The following SLC5A10 variants were observed in gnomAD, a reference collection of about 807,000 sequenced individuals.
The protein encoded by SLC5A10 is solute carrier family 5 member 10.
Under a neutral mutation model 68.9 loss-of-function variants are expected in SLC5A10, and 55 were observed. The ratio of observed to expected loss-of-function variants is 0.80; its 90% CI spans 0.64 to 1.00. SLC5A10 has a LOEUF of 1.00. Among genes scored for constraint, SLC5A10 ranks in the 50% least tolerant of loss-of-function variants. The pLI, the probability that SLC5A10 is intolerant of heterozygous loss-of-function variation, is 0.00. For missense variants in SLC5A10, 732 were observed against 819.3 expected, an observed-to-expected ratio of 0.89 and a Z score of 1.30; for synonymous variants, 344 against 344.8, an observed-to-expected ratio of 1.00 and a Z score of 0.02.
chr17:19,015,906 T>G (rs1382480344), intron 11 of SLC5A10, among the ~76,000 whole-genome samples: 2 of 152,212 alleles, frequency 1.3e-5, no homozygotes, highest in Non-Finnish European at 2.9e-5. Context: ...GGTGTTTGGT[T>G]ACATGAATAA....
intron 5 of SLC5A10, among the ~76,000 whole-genome samples, chr17:18,965,214 G>A (rs990373008): frequency 5.3e-5 from 8 of 152,138 alleles, no homozygotes; most frequent in Non-Finnish European, 1.0e-4. Context: ...GTTTTGGGGA[G>A]TGGGTGTGTG....
At chr17:18,957,685 C>G (rs1259811110) in intron 1 of SLC5A10, among the ~76,000 whole-genome samples, 1 of 152,106 alleles carries the variant, frequency 6.6e-6, no homozygotes, top group Non-Finnish European at 1.5e-5. Context: ...AGGATGGACT[C>G]GTTCTCTTGA....
At position 18,992,049 on chromosome 17, in the gene SLC5A10, T is replaced by C. The variant is rs564330352; in HGVS notation, c.982+15060T>C. On this transcript the variant is annotated intron_variant, in intron 9 of 14. Transcript: ENST00000395645. Reference sequence around the variant, plus strand: ...TCCTCCAGTGAGCCAACAGCGAGCCTGCGCCTGCCCCAGCCCAGGCCTCTC... The same window carrying C: ...TCCTCCAGTGAGCCAACAGCGAGCCCGCGCCTGCCCCAGCCCAGGCCTCTC... 7.2e-5 allele frequency among the ~76,000 whole-genome samples: 11 copies of C among 152,228 alleles called. No homozygotes were observed. The South Asian group carries it at 2.3e-3, about 32-fold the overall frequency.
chr17:18,960,414 G>A lies in SLC5A10; in HGVS notation c.349-134G>A. 4 of 791,560 alleles carry A rather than the reference G, an allele frequency of 5.1e-6. No individual in the cohort carries two copies. In the East Asian group the frequency reaches 9.9e-5, roughly 20 times the overall value. The allele number at this position is 791,560 out of a possible 1,614,324, so 49.0% of individuals were successfully genotyped here. On this transcript the variant is annotated intron_variant, in intron 4 of 14. Transcript: ENST00000395645. ...GGTGCTGGGGCTGTAAGGGGTCAGT[G>A]CCTGGGCCTTGCCCTTGAGAGGCTC...
At chr17:19,020,041 C>T (rs898100200) in intron 13 of SLC5A10, 113 bp downstream of exon 13, 194 of 1,435,116 alleles carry the variant, frequency 1.4e-4, no homozygotes, top group African/African-American at 1.8e-4. Flanking sequence ...TACCTAGCCC[C>T]GTCCCTTTTT....
chr17:18,957,322 A>G (rs949544839), intron 1 of SLC5A10, among the ~76,000 whole-genome samples: 1 of 152,174 alleles, frequency 6.6e-6, no homozygotes, highest in Non-Finnish European at 1.5e-5. Flanking sequence ...TTCCACTTAC[A>G]TGGAGGACAA....
intron 9 of SLC5A10, chr17:18,978,840 A>G (rs762265324): frequency 5.0e-6 from 8 of 1,611,644 alleles, no homozygotes; most frequent in Non-Finnish European, 6.8e-6. Flanking sequence ...CGCGCGGCCG[A>G]CCACGTGAAG....
chr17:18,959,621 G>T lies in SLC5A10; in HGVS notation c.306G>T (p.Leu102=). Residue 102 remains leucine (L), a synonymous_variant, in exon 4 of 15, where the codon CTG becomes CTT. Coordinates refer to ENST00000395645, the MANE Select transcript of SLC5A10 (RefSeq NM_001042450.4). ...GFEWNATYVL[L]ALAWVFVPIY... ...CCCCATAGGCCACGTACGTGCTGCT[G>T]GCACTGGCATGGGTGTTCGTGCCCA... 1 of 1,613,974 alleles carries T rather than the reference G, an allele frequency of 6.2e-7. No homozygotes were observed. Among genetic ancestry groups the T allele is most frequent in the Non-Finnish European group, 8.5e-7 (1 of 1,179,998 alleles).
chr17:18,959,508 G>C (rs1162812252), intron 3 of SLC5A10, 96 bp from the exon 4 acceptor site: 5 of 1,351,244 alleles, frequency 3.7e-6, no homozygotes, highest in Non-Finnish European at 5.2e-6. Flanking sequence ...GGGAAGCCAG[G>C]CCTCCGGATG....
At chr17:18,969,191 G>T (rs548887367) in intron 6 of SLC5A10, 34 bp downstream of exon 6, 1 of 1,608,466 alleles carries the variant, frequency 6.2e-7, no homozygotes, top group Non-Finnish European at 8.5e-7. Flanking sequence ...TCCACCCAGG[G>T]GACGTGTAAA....
At chr17:18,961,952 C>T (rs900301532) in intron 5 of SLC5A10, among the ~76,000 whole-genome samples, 5 of 152,190 alleles carry the variant, frequency 3.3e-5, no homozygotes, top group Admixed American at 1.3e-4. Flanking sequence ...CGCCAGATGC[C>T]CTTGGCGTAC....
chr17:18,992,283 G>A (rs899360978), intron 9 of SLC5A10, among the ~76,000 whole-genome samples: 2 of 152,150 alleles, frequency 1.3e-5, no homozygotes, highest in East Asian at 1.9e-4. Context: ...GGGGACATCC[G>A]CCTCCATGTG....
intron 8 of SLC5A10, among the ~76,000 whole-genome samples, chr17:18,972,867 TAAAA>T (rs35947526): frequency 1.5e-5 from 2 of 137,808 alleles, no homozygotes; most frequent in Non-Finnish European, 1.6e-5. Context: ...AGACTCCGTC[TAAAA>T]AAAAAAAAAA....
At position 18,971,036 on chromosome 17, in the gene SLC5A10, G is replaced by A. The variant is rs768370920; in HGVS notation, c.664G>A (p.Gly222Arg). 13 of 1,613,886 alleles carry A rather than the reference G, an allele frequency of 8.1e-6. No individual in the cohort carries two copies. The highest frequency in any genetic ancestry group is 6.7e-5 in the Admixed American group (4 of 60,018). ...AGCTTTTGACCAGATCGGTGGTTAC[G>A]GGCAGCTGGAGGCAGCCTACGCCCA... ...IKAFDQIGGY[G>R]QLEAAYAQAI... The change falls in exon 8 of 15, where the codon GGG becomes AGG. Residue 222 changes from glycine to arginine, a missense_variant. By Grantham distance (125) the Gly-to-Arg change is moderately radical. Coordinates refer to ENST00000395645, the MANE Select transcript of SLC5A10 (RefSeq NM_001042450.4). The surrounding 1 kb of genome is among the most constrained non-coding windows in gnomAD (Gnocchi z 5.5).
intron 3 of SLC5A10, 126 bp downstream of exon 3, chr17:18,959,365 T>A: frequency 9.7e-7 from 1 of 1,027,654 alleles, no homozygotes; most frequent in African/African-American, 1.6e-5. Flanking sequence ...TGCAGTGCTG[T>A]TCCTGGGCCA....
rs1276212590 is a variant in SLC5A10, at chr17:19,000,773, G to A, written c.983-12637G>A. Among the ~76,000 whole-genome samples, 1 of 152,228 alleles carries A rather than the reference G, an allele frequency of 6.6e-6. No individual in the cohort carries two copies. Among genetic ancestry groups the A allele is most frequent in the Non-Finnish European group, 1.5e-5 (1 of 68,044 alleles). On this transcript the variant is annotated intron_variant, in intron 9 of 14. Transcript: ENST00000395645. The surrounding 1 kb of genome is among the most constrained non-coding windows in gnomAD (Gnocchi z 5.2). ...ACACAATACCAGAGTGAGAAGGGGA[G>A]GTGGAAGCATGGGCACGAGAGGTGA...
At chr17:18,954,380 C>T (rs1253143650) in intron 1 of SLC5A10, among the ~76,000 whole-genome samples, 1 of 152,250 alleles carries the variant, frequency 6.6e-6, no homozygotes, top group African/African-American at 2.4e-5. Flanking sequence ...CCTTGTTGCC[C>T]ATGACCCACC....
At chr17:19,019,283 G>C (rs758580698) in intron 11 of SLC5A10, 140 bp from the exon 12 acceptor site, 1 of 1,036,484 alleles carries the variant, frequency 9.6e-7, no homozygotes, top group Non-Finnish European at 1.4e-6. Context: ...CACTGGTGGT[G>C]TGGACCAGAG....
intron 9 of SLC5A10, among the ~76,000 whole-genome samples, chr17:18,981,682 T>C (rs1175271784): frequency 6.6e-6 from 1 of 152,166 alleles, no homozygotes; most frequent in Non-Finnish European, 1.5e-5. Flanking sequence ...CCCCATCTGA[T>C]GCCCACCTGT....
Sources: allele counts gnomAD v4.1 joint callset (sites outside exome capture counted in the v4.1 genomes callset), GRCh38; gene constraint gnomAD v4.1.1; non-coding constraint Gnocchi (gnomAD v3.1); transcripts MANE v1.5; gene names NCBI Gene and HGNC (gene_info 2026-07-23, HGNC 2026-07-21).